The following SUZ12 variants were observed in gnomAD, a reference collection of about 807,000 sequenced individuals.
The protein encoded by SUZ12 is polycomb protein SUZ12.
A neutral mutation model predicts 87.3 loss-of-function variants in SUZ12; 17 were observed. That is an observed-to-expected ratio of 0.19 (90% CI 0.13 to 0.29). The LOEUF is 0.29. SUZ12 is among the 10% of genes least tolerant of loss of function. SUZ12 has a pLI of 1.00. For synonymous variants in SUZ12, 253 were observed against 312.4 expected, an observed-to-expected ratio of 0.81 and a Z score of 2.01; for missense variants, 526 against 912.2, an observed-to-expected ratio of 0.58 and a Z score of 5.45.
chr17:31,973,242 C>T lies in SUZ12; in HGVS notation c.591+11C>T. ...CACAAAAAAAGAAAGGTAATGTCAA[C>T]AAAATGATATTGGTAGATTAAATGG... On this transcript the variant is annotated intron_variant, in intron 6 of 15. Transcript: ENST00000322652. The T allele has an allele frequency of 7.2e-7, 1 of 1,393,694 alleles. No homozygotes were observed. Among genetic ancestry groups the T allele is most frequent in the Non-Finnish European group, 9.8e-7 (1 of 1,019,408 alleles). 86.3% of individuals were successfully genotyped at this position (1,393,694 alleles called of 1,614,324 possible).
At chr17:31,982,411 C>T (rs945725411) in intron 8 of SUZ12, among the ~76,000 whole-genome samples, 1 of 152,106 alleles carries the variant, frequency 6.6e-6, no homozygotes, top group African/African-American at 2.4e-5. Flanking sequence ...CCTGTAATCC[C>T]AGCACTTTAG....
Position 31,962,024 on chromosome 17 carries a change from A to G in SUZ12, c.456-4123A>G, listed in dbSNP as rs149961006. On this transcript the variant is annotated intron_variant, in intron 4 of 15. Coordinates refer to ENST00000322652, the MANE Select transcript of SUZ12 (RefSeq NM_015355.4). ...AGATGTATATGGAAAAATAGTGACT[A>G]AAAAGTGGTAAATAAGAGTGCTTGT... 2.4e-3 allele frequency among the ~76,000 whole-genome samples: 366 copies of G among 152,344 alleles called. 1 individual carries two copies. Among genetic ancestry groups the G allele is most frequent in the African/African-American group, 8.1e-3 (337 of 41,592 alleles).
At chr17:31,996,708 T>C (rs1318155402) in intron 14 of SUZ12, 90 bp from the exon 15 acceptor site, 4 of 857,438 alleles carry the variant, frequency 4.7e-6, no homozygotes, top group Non-Finnish European at 7.0e-6. Flanking sequence ...ATATGTTGTA[T>C]TTTTAGTTCC....
chr17:31,988,661 C>T (rs373254593), intron 10 of SUZ12, among the ~76,000 whole-genome samples, 164 bp downstream of exon 10: 2 of 149,348 alleles, frequency 1.3e-5, no homozygotes, highest in Non-Finnish European at 3.0e-5. Flanking sequence ...AGCGTGATTT[C>T]GGCTCACTGC....
chr17:31,963,200 A>C (rs2142156303), intron 4 of SUZ12, among the ~76,000 whole-genome samples: 1 of 152,348 alleles, frequency 6.6e-6, no homozygotes, highest in East Asian at 1.9e-4. Flanking sequence ...GCTGGAGTGC[A>C]GTGGCACAAT....
intron 7 of SUZ12, 86 bp downstream of exon 7, chr17:31,975,799 A>G: frequency 9.0e-7 from 1 of 1,109,820 alleles, no homozygotes; most frequent in Non-Finnish European, 1.3e-6. Context: ...CATGATAGTC[A>G]TGGTGCTGAG....
At position 31,995,567 on chromosome 17, in the gene SUZ12, A is replaced by G. The variant is rs2142217373; in HGVS notation, c.1599A>G (p.Pro533=). ...AACATTTATTTCTTTTCATTAGGCC[A>G]AAACGAACAAAAGCAAGCATGTCTG... is the stretch of plus-strand genomic sequence containing the variant. The part of the protein sequence containing the change: ...TPITHILVCR[P]KRTKASMSEF... The change falls in exon 14 of 16, where the codon CCA becomes CCG. Residue 533 remains proline, a synonymous_variant. Transcript: ENST00000322652. 4 of 1,614,006 alleles carry G rather than the reference A, an allele frequency of 2.5e-6. No individual in the cohort carries two copies. In the East Asian group the frequency reaches 8.9e-5, roughly 36 times the overall value.
At chr17:31,945,338 GAT>G (rs1190659110) in intron 3 of SUZ12, among the ~76,000 whole-genome samples, 2 of 152,220 alleles carry the variant, frequency 1.3e-5, no homozygotes, top group East Asian at 1.9e-4. Flanking sequence ...TCTCAGTCGT[GAT>G]ATTAATTCTG....
chr17:31,945,273 C>A (rs1231448086), intron 3 of SUZ12, among the ~76,000 whole-genome samples: 5 of 152,122 alleles, frequency 3.3e-5, no homozygotes. Flanking sequence ...TTTACTATTA[C>A]AACAACATAA....
intron 10 of SUZ12, among the ~76,000 whole-genome samples, chr17:31,990,867 C>T (rs375992051): frequency 6.6e-6 from 1 of 152,236 alleles, no homozygotes; most frequent in African/African-American, 2.4e-5. Context: ...CCCACCTTAG[C>T]CCTCCATATA....
intron 5 of SUZ12, among the ~76,000 whole-genome samples, chr17:31,968,684 T>C (rs1908236278): frequency 6.6e-6 from 1 of 152,234 alleles, no homozygotes. Flanking sequence ...TTATTTGTAA[T>C]GGTCTGCTTA....
At chr17:31,979,663 C>A (rs1246570697) in intron 8 of SUZ12, among the ~76,000 whole-genome samples, 1 of 152,154 alleles carries the variant, frequency 6.6e-6, no homozygotes, top group African/African-American at 2.4e-5. Context: ...TTACGTACTA[C>A]ATCACAGACA....
Position 31,937,320 on chromosome 17 carries a change from T to C in SUZ12, c.74T>C (p.Phe25Ser). The C allele has an allele frequency of 1.4e-6, 2 of 1,455,028 alleles. No homozygotes were observed. The highest frequency in any genetic ancestry group is 1.8e-6 in the Non-Finnish European group (2 of 1,111,320). 90.1% of individuals were successfully genotyped at this position (1,455,028 alleles called of 1,614,324 possible). ...AGCGCGGGGTCCGGGGGAGGCGGCT[T>C]CGGGGGTTCGGCGGCGGTGGCGGCG... is the stretch of plus-strand genomic sequence containing the variant. ...GPSAGSGGGG[F>S]GGSAAVAAAT... The change falls in exon 1 of 16, where the codon TTC becomes TCC. Residue 25 changes from phenylalanine to serine, a missense_variant. Around this residue, in one of 9 missense-constraint regions of SUZ12, gnomAD observed 92 missense variants for 109.9 expected, o/e 0.84. Coordinates refer to ENST00000322652, the MANE Select transcript of SUZ12 (RefSeq NM_015355.4).
chr17:31,961,918 T>C lies in SUZ12; in HGVS notation c.456-4229T>C, dbSNP rs142144169. Among the ~76,000 whole-genome samples the C allele has an allele frequency of 2.3e-3, 353 of 152,302 alleles. 1 individual carries two copies. Among genetic ancestry groups the C allele is most frequent in the African/African-American group, 8.0e-3 (332 of 41,572 alleles). ...CCTGACCTTTAAATTTGTATTACTCTAGGAGGACATTATCTTATGAAAAAA... is the reference window on the plus strand; with the variant it reads ...CCTGACCTTTAAATTTGTATTACTCCAGGAGGACATTATCTTATGAAAAAA... On this transcript the variant is annotated intron_variant, in intron 4 of 15. Coordinates refer to ENST00000322652, the MANE Select transcript of SUZ12 (RefSeq NM_015355.4).
chr17:31,956,350 T>G (rs1431795501), intron 4 of SUZ12, among the ~76,000 whole-genome samples: 1 of 151,798 alleles, frequency 6.6e-6, no homozygotes. Context: ...TGTGCCACCA[T>G]GCCTGGCTAA....
At chr17:31,990,121 A>ATTTT (rs59793925) in intron 10 of SUZ12, among the ~76,000 whole-genome samples, 1,146 of 99,636 alleles carry the variant, frequency 0.012, 28 homozygotes, top group African/African-American at 0.051. Context: ...TGCCCGGCTA[A>ATTTT]TTTTTTTTTT....
At chr17:31,975,111 CAT>C (rs1487618368) in intron 6 of SUZ12, among the ~76,000 whole-genome samples, 1 of 152,036 alleles carries the variant, frequency 6.6e-6, no homozygotes, top group Non-Finnish European at 1.5e-5. Flanking sequence ...GATAAAAGTA[CAT>C]GAGTTTAACA....
At position 31,937,075 on chromosome 17, in the gene SUZ12, T is replaced by G; in HGVS notation, c.-172T>G. 3.7e-6 allele frequency: 2 copies of G among 534,142 alleles called. No individual in the cohort carries two copies. Among genetic ancestry groups the G allele is most frequent in the Non-Finnish European group, 6.0e-6 (2 of 334,780 alleles). 33.1% of individuals were successfully genotyped at this position (534,142 alleles called of 1,614,324 possible). On this transcript the variant is annotated 5_prime_UTR_variant, in exon 1 of 16. Coordinates refer to ENST00000322652, the MANE Select transcript of SUZ12 (RefSeq NM_015355.4). ...GGGCTCTGAGGAGACACTTTTTTTT[T>G]CCTCCCTCCTTCCCTCCTCTCCTCC...
chr17:31,954,552 G>A (rs1907191726), intron 4 of SUZ12, among the ~76,000 whole-genome samples: 1 of 151,738 alleles, frequency 6.6e-6, no homozygotes, highest in East Asian at 1.9e-4. Context: ...GAACAAAATG[G>A]ATGAAGGCCC....
Sources: gnomAD v4.1 joint callset for allele counts (sites outside exome capture counted in the v4.1 genomes callset) on GRCh38, gnomAD v4.1.1 for gene constraint, gnomAD v4.1.1 regional missense constraint, MANE v1.5 for transcripts, NCBI Gene and HGNC (gene_info 2026-07-23, HGNC 2026-07-21) for gene names.